ERI2: variants seen among roughly 807,000 people sequenced by gnomAD.
ERI2 encodes the protein ERI1 exoribonuclease 2.
A neutral mutation model predicts 46.8 loss-of-function variants in ERI2; 35 were observed. The ratio of observed to expected loss-of-function variants is 0.75; its 90% CI spans 0.57 to 0.99. ERI2 has a LOEUF of 0.99. ERI2 is among the 50% of genes least tolerant of loss of function. The probability of loss-of-function intolerance (pLI) is 0.00; values close to 1 mark genes in which losing one functional copy is unlikely to be tolerated. For missense variants in ERI2, 695 were observed against 796.2 expected, an observed-to-expected ratio of 0.87 and a Z score of 1.53; for synonymous variants, 224 against 271.0, an observed-to-expected ratio of 0.83 and a Z score of 1.70.
chr16:20,804,269 C>G (rs532463461), intron 1 of ERI2, among the ~76,000 whole-genome samples: 12 of 152,112 alleles, frequency 7.9e-5, no homozygotes, highest in Non-Finnish European at 1.3e-4. Context: ...TATTTTTCCC[C>G]CTGCATTTTT....
At chr16:20,794,984 ATTTACC>A (rs1156884582), downstream of ERI2, among the ~76,000 whole-genome samples, 1 of 152,242 alleles carries the variant, frequency 6.6e-6, no homozygotes, top group African/African-American at 2.4e-5. Flanking sequence ...TTTTAAAATA[ATTTACC>A]TTTGAATGAC....
rs2080818706 is a variant in ERI2 at position 20,803,600 on chromosome 16, C to A, written c.91+3G>T. ...ATGCAAAGAAACTAAGCATACTACT[C>A]ACTGGATTTGCTTCTTCCGAGATTT... On this transcript the variant is annotated splice_donor_region_variant and intron_variant, in intron 2 of 8. Transcript: ENST00000357967. 6.2e-7 allele frequency: 1 copy of A among 1,614,178 alleles called. No homozygotes were observed. The highest frequency in any genetic ancestry group is 8.5e-7 in the Non-Finnish European group (1 of 1,180,004).
At chr16:20,785,397 C>T (rs1321653159) in intron 10 of ERI2, among the ~76,000 whole-genome samples, 1 of 151,960 alleles carries the variant, frequency 6.6e-6, no homozygotes, top group African/African-American at 2.4e-5. Context: ...AGAATTCCTC[C>T]CAGTGTGATA....
chr16:20,789,955 T>G (rs2080560939), intron 9 of ERI2, among the ~76,000 whole-genome samples: 1 of 151,802 alleles, frequency 6.6e-6, no homozygotes, highest in Admixed American at 6.6e-5. Flanking sequence ...ATTACAGGCA[T>G]GAGCCACTGC....
At chr16:20,786,418 C>T (rs370491060) in intron 10 of ERI2, 12 of 628,672 alleles carry the variant, frequency 1.9e-5, no homozygotes, top group African/African-American at 5.7e-5. Context: ...CAGTGGCTCA[C>T]GCCTGTAATC....
At chr16:20,781,242 A>G in intron 10 of ERI2, 2 of 1,317,074 alleles carry the variant, frequency 1.5e-6, no homozygotes, top group Non-Finnish European at 2.1e-6. Flanking sequence ...ATGATTTAAG[A>G]TATGTCACAT....
At chr16:20,782,373 T>C (rs893256612) in intron 10 of ERI2, among the ~76,000 whole-genome samples, 2 of 152,134 alleles carry the variant, frequency 1.3e-5, no homozygotes, top group African/African-American at 4.8e-5. Flanking sequence ...ACTCAATGTA[T>C]AGTCTTTTAT....
At chr16:20,804,037 G>C (rs1226167259) in intron 1 of ERI2, among the ~76,000 whole-genome samples, 1 of 128,972 alleles carries the variant, frequency 7.8e-6, no homozygotes, top group African/African-American at 2.9e-5. Context: ...TTTTTTTTTT[G>C]AAGGCAGGGC....
Position 20,801,227 on chromosome 16 carries a change from A to T in ERI2, c.436T>A (p.Leu146Ile), listed in dbSNP as rs2080792371. The change falls in exon 5 of 9, where the codon TTA becomes ATA. Residue 146 changes from leucine (L) to isoleucine (I), a missense_variant. Physicochemically the swap from Leu to Ile is conservative, Grantham distance 5. Transcript: ENST00000357967. ...CCTGACCAAGTAACAAATGCACATA[A>T]TTTTACTTCAGAAGCAGAAGGCTCT... The part of the protein sequence containing the change: ...ISEPSASEVK[L>I]CAFVTWSDWD... 6.2e-7 allele frequency: 1 copy of T among 1,611,602 alleles called. No homozygotes were observed. The highest frequency in any genetic ancestry group is 1.3e-5 in the African/African-American group (1 of 74,814).
intron 5 of ERI2, among the ~76,000 whole-genome samples, chr16:20,800,920 G>A (rs2080788750): frequency 6.6e-6 from 1 of 152,012 alleles, no homozygotes; most frequent in Non-Finnish European, 1.5e-5. Flanking sequence ...AATAGCATAA[G>A]AGTGTTCACT....
At chr16:20,780,663 A>G in exon 11 of ERI2, 2 of 1,614,200 alleles carry the variant, frequency 1.2e-6, no homozygotes, top group Non-Finnish European at 1.7e-6. Context: ...CAGTGGTAAC[A>G]GTCTGTGATG....
At chr16:20,793,693 G>C (rs1420622836), downstream of ERI2, among the ~76,000 whole-genome samples, 1 of 152,210 alleles carries the variant, frequency 6.6e-6, no homozygotes, top group African/African-American at 2.4e-5. Flanking sequence ...GCTATTTACT[G>C]TGAAAGGGTA....
At chr16:20,803,213 C>G (rs1217641509) in intron 3 of ERI2, among the ~76,000 whole-genome samples, 1 of 152,012 alleles carries the variant, frequency 6.6e-6, no homozygotes, top group African/African-American at 2.4e-5. Context: ...TTTTCAGTTT[C>G]TATGCCATTG....
intron 10 of ERI2, chr16:20,786,159 G>A: frequency 6.2e-7 from 1 of 1,608,948 alleles, no homozygotes; most frequent in Non-Finnish European, 8.5e-7. Context: ...CGATGTTAAG[G>A]TTTGCACATC....
intron 10 of ERI2, chr16:20,781,629 T>C (rs915197850): frequency 2.9e-6 from 3 of 1,038,118 alleles, no homozygotes; most frequent in South Asian, 2.6e-5. Flanking sequence ...ATGTTTAAAT[T>C]GTGCTGCGTC....
chr16:20,798,022 G>T lies in ERI2; in HGVS notation c.1778C>A (p.Thr593Lys). The T allele has an allele frequency of 1.3e-6, 2 of 1,551,898 alleles. No individual in the cohort carries two copies. The highest frequency in any genetic ancestry group is 8.7e-7 in the Non-Finnish European group (1 of 1,146,988). Residue 593 changes from threonine (T) to lysine (K), a missense_variant, in exon 9 of 9, where the codon ACA becomes AAA. Coordinates refer to ENST00000357967, the MANE Select transcript of ERI2 (RefSeq NM_001142725.2). ...LQEPWKSGKM[T>K]PPLCKCGRRS... ...CCGACCACACTTGCATAATGGAGGT[G>T]TCATTTTCCCACTCTTCCATGGCTC...
At chr16:20,801,628 C>T (rs1431522537) in intron 4 of ERI2, among the ~76,000 whole-genome samples, 1 of 152,196 alleles carries the variant, frequency 6.6e-6, no homozygotes, top group Non-Finnish European at 1.5e-5. Flanking sequence ...TAAAATCACA[C>T]AGAAATATGA....
In ERI2 at chr16:20,798,770, A is replaced by T; in HGVS notation, c.1030T>A (p.Ser344Thr). ...KSSTSVGQLQSPTLNSPIYMQ... is the reference protein window; with the variant it reads ...KSSTSVGQLQTPTLNSPIYMQ... The stretch of plus-strand genomic sequence containing the variant: ...TAGATAGGTGAATTCAAGGTAGGAG[A>T]CTGCAACTGCCCCACAGAAGTAGAG... Residue 344 changes from serine to threonine, a missense_variant, in exon 9 of 9, where the codon TCT becomes ACT. Physicochemically the swap from Ser to Thr is moderately conservative, Grantham distance 58. Transcript: ENST00000357967. 2 of 1,551,584 alleles carry T rather than the reference A, an allele frequency of 1.3e-6. No individual in the cohort carries two copies. Among genetic ancestry groups the T allele is most frequent in the Non-Finnish European group, 1.7e-6 (2 of 1,146,910 alleles).
Position 20,801,510 on chromosome 16 carries a change from G to T in ERI2, c.304-151C>A, listed in dbSNP as rs2080795314. On this transcript the variant is annotated intron_variant, in intron 4 of 8. Coordinates refer to ENST00000357967, the MANE Select transcript of ERI2 (RefSeq NM_001142725.2). ...GTGTACTGTGGGAAGACATAACAAA[G>T]TGGTTCTAACTGGCAAAGAGTTTAT... 7.5e-6 allele frequency: 6 copies of T among 800,166 alleles called. No individual in the cohort carries two copies. In the South Asian group the frequency reaches 1.4e-4, roughly 18 times the overall value. 49.6% of individuals were successfully genotyped at this position (800,166 alleles called of 1,614,324 possible). A position where few individuals can be genotyped will look rare whatever the true frequency, so the allele number is the denominator to read the frequency against.
Sources: gnomAD v4.1 joint callset for allele counts (sites outside exome capture counted in the v4.1 genomes callset) on GRCh38, gnomAD v4.1.1 for gene constraint, MANE v1.5 for transcripts, NCBI Gene and HGNC (gene_info 2026-07-23, HGNC 2026-07-21) for gene names.